The following SCHIP1 variants were observed in gnomAD, a reference collection of about 807,000 sequenced individuals.
The protein encoded by SCHIP1 is schwannomin-interacting protein 1.
A neutral mutation model predicts 29.7 loss-of-function variants in SCHIP1; 8 were observed. That is an observed-to-expected ratio of 0.27 (90% CI 0.16 to 0.49). The LOEUF (loss-of-function observed/expected upper bound fraction) is 0.49, where lower values mean the gene tolerates loss of function less well. SCHIP1 is among the 20% of genes least tolerant of loss of function. The pLI, the probability that SCHIP1 is intolerant of heterozygous loss-of-function variation, is 0.99. For synonymous variants in SCHIP1, 76 were observed against 94.9 expected (o/e 0.80, Z 1.16); for missense variants, 193 against 294.6 (o/e 0.66, Z 2.52).
the SCHIP1 span, among the ~76,000 whole-genome samples, chr3:159,369,227 T>A: frequency 6.6e-6 from 1 of 152,222 alleles, no homozygotes; most frequent in South Asian, 2.1e-4. Context: ...CATCTATTCC[T>A]CTGTTGAAAT....
At chr3:159,800,066 TATTA>T in the SCHIP1 span, among the ~76,000 whole-genome samples, 1 of 152,162 alleles carries the variant, frequency 6.6e-6, no homozygotes, top group African/African-American at 2.4e-5. Flanking sequence ...ATTCCCCACA[TATTA>T]ATTGAGTATC....
At position 159,878,765 on chromosome 3, in the gene SCHIP1, G is replaced by A. The variant is rs557066379; in HGVS notation, c.150-7442G>A. Among the ~76,000 whole-genome samples the A allele has an allele frequency of 3.9e-4, 58 of 147,654 alleles. No homozygotes were observed. The East Asian group carries it at 6.5e-3, about 16-fold the overall frequency. ...TGCACTCCAGCCTGGGCGACAGAGCGAGACTCCGTCTCAAAAAAAAAATAA... is the reference window on the plus strand; with the variant it reads ...TGCACTCCAGCCTGGGCGACAGAGCAAGACTCCGTCTCAAAAAAAAAATAA... On this transcript the variant is annotated intron_variant, in intron 2 of 6. Transcript: ENST00000445224.
chr3:159,502,751 G>C, the SCHIP1 span, among the ~76,000 whole-genome samples: 3 of 151,764 alleles, frequency 2.0e-5, no homozygotes, highest in African/African-American at 7.3e-5. Flanking sequence ...ACAAGGTTTG[G>C]GTAGGTACAC....
At chr3:159,747,221 G>C in the SCHIP1 span, among the ~76,000 whole-genome samples, 1 of 152,150 alleles carries the variant, frequency 6.6e-6, no homozygotes, top group Non-Finnish European at 1.5e-5. Context: ...TTCTCTAGAA[G>C]TCTGGGCCAA....
At chr3:159,441,115 G>T in the SCHIP1 span, among the ~76,000 whole-genome samples, 14 of 152,270 alleles carry the variant, frequency 9.2e-5, no homozygotes, top group Middle Eastern at 3.4e-3. Flanking sequence ...CTGACCAAAA[G>T]AGAGGCCTTG....
At chr3:159,468,777 AT>A in the SCHIP1 span, among the ~76,000 whole-genome samples, 2 of 127,350 alleles carry the variant, frequency 1.6e-5, no homozygotes, top group Admixed American at 8.5e-5. Flanking sequence ...ATATATATAT[AT>A]TTTTTTTAGA....
chr3:159,795,772 G>A, the SCHIP1 span, among the ~76,000 whole-genome samples: 4 of 152,204 alleles, frequency 2.6e-5, no homozygotes, highest in South Asian at 2.1e-4. Context: ...GGAACAACGT[G>A]TGTAAAATTA....
the SCHIP1 span, among the ~76,000 whole-genome samples, chr3:159,677,377 G>A: frequency 6.6e-6 from 1 of 152,150 alleles, no homozygotes; most frequent in Non-Finnish European, 1.5e-5. Flanking sequence ...GGGGTTGGAG[G>A]TGTTCACATA....
the SCHIP1 span, among the ~76,000 whole-genome samples, chr3:159,325,384 C>T: frequency 2.0e-5 from 3 of 152,108 alleles, no homozygotes; most frequent in Non-Finnish European, 4.4e-5. Flanking sequence ...GTTTACACCA[C>T]AATCTTTGAT....
At chr3:159,425,282 G>C in the SCHIP1 span, among the ~76,000 whole-genome samples, 1 of 152,088 alleles carries the variant, frequency 6.6e-6, no homozygotes, top group African/African-American at 2.4e-5. Flanking sequence ...TCAATGTGCT[G>C]TATTCAGGAA....
chr3:159,658,187 AC>A, the SCHIP1 span, among the ~76,000 whole-genome samples: 1 of 152,156 alleles, frequency 6.6e-6, no homozygotes, highest in Admixed American at 6.5e-5. Flanking sequence ...CATCAGAAGA[AC>A]TGATGTTCTT....
chr3:159,534,967 T>C, the SCHIP1 span, among the ~76,000 whole-genome samples: 1 of 152,058 alleles, frequency 6.6e-6, no homozygotes, highest in Non-Finnish European at 1.5e-5. Context: ...TCGTAAGAAG[T>C]TTAGTAACAA....
the SCHIP1 span, among the ~76,000 whole-genome samples, chr3:159,556,030 A>C: frequency 6.6e-6 from 1 of 152,156 alleles, no homozygotes; most frequent in Non-Finnish European, 1.5e-5. Flanking sequence ...ACAAACTTAC[A>C]TGTTCTGCAC....
At chr3:159,821,844 A>G in the SCHIP1 span, among the ~76,000 whole-genome samples, 1 of 152,206 alleles carries the variant, frequency 6.6e-6, no homozygotes, top group Non-Finnish European at 1.5e-5. Context: ...ATTAGGTAAA[A>G]TGAGGGTCAC....
At chr3:159,807,106 C>T in the SCHIP1 span, among the ~76,000 whole-genome samples, 5 of 152,154 alleles carry the variant, frequency 3.3e-5, no homozygotes. Flanking sequence ...AATTTTGCTT[C>T]AGAGTCCTTC....
the SCHIP1 span, among the ~76,000 whole-genome samples, chr3:159,665,268 C>G: frequency 1.3e-5 from 2 of 152,170 alleles, no homozygotes; most frequent in Non-Finnish European, 2.9e-5. Context: ...TTTCCCAAAA[C>G]TGGAGCCAAT....
At position 159,884,745 on chromosome 3, in the gene SCHIP1, G is replaced by C. The variant is rs377184537; in HGVS notation, c.150-1462G>C. Among the ~76,000 whole-genome samples the C allele has an allele frequency of 2.6e-5, 4 of 152,162 alleles. No individual in the cohort carries two copies. The East Asian group carries it at 7.7e-4, about 29-fold the overall frequency. ...TCGATGAGGAAAACTGAGGGTCATA[G>C]AGCTTTTGTAATGTGCCTGGAGAAA... On this transcript the variant is annotated intron_variant, in intron 2 of 6. Transcript: ENST00000445224.
At chr3:159,496,085 C>T in the SCHIP1 span, among the ~76,000 whole-genome samples, 2 of 152,164 alleles carry the variant, frequency 1.3e-5, no homozygotes, top group Non-Finnish European at 2.9e-5. Context: ...CTTCCTTACA[C>T]CTTATACAAA....
chr3:159,347,834 A>G, the SCHIP1 span, among the ~76,000 whole-genome samples: 1 of 152,188 alleles, frequency 6.6e-6, no homozygotes, highest in Admixed American at 6.5e-5. Context: ...CCTACAAAGG[A>G]GAGAAGGCAT....
Sources: allele counts gnomAD v4.1 joint callset (sites outside exome capture counted in the v4.1 genomes callset), GRCh38; gene constraint gnomAD v4.1.1; transcripts MANE v1.5; gene names NCBI Gene and HGNC (gene_info 2026-07-23, HGNC 2026-07-21).